SOX6: variants seen among roughly 807,000 people sequenced by gnomAD.
The protein encoded by SOX6 is transcription factor SOX-6.
SOX6 carries 11 observed loss-of-function variants against 97.8 expected under a neutral mutation model. The ratio of observed to expected loss-of-function variants is 0.11; its 90% CI spans 0.07 to 0.19. The LOEUF (loss-of-function observed/expected upper bound fraction) is 0.19. SOX6 is among the 10% of genes least tolerant of loss of function. The probability of loss-of-function intolerance (pLI) is 1.00; values close to 1 mark genes in which losing one functional copy is unlikely to be tolerated. For missense variants in SOX6, 810 were observed against 1,039.5 expected (o/e 0.78, Z 3.04); for synonymous variants, 360 against 371.4 (o/e 0.97, Z 0.35).
At chr11:16,678,971 G>C (rs1044565171) in intron 3 of SOX6, among the ~76,000 whole-genome samples, 1 of 152,220 alleles carries the variant, frequency 6.6e-6, no homozygotes, top group African/African-American at 2.4e-5. Context: ...GCTCGAACTG[G>C]GTGGAGGCCA....
At chr11:16,623,755 G>T (rs947689567) in intron 3 of SOX6, among the ~76,000 whole-genome samples, 13 of 152,124 alleles carry the variant, frequency 8.5e-5, no homozygotes, top group Non-Finnish European at 1.5e-4. Context: ...GAGAGATGAG[G>T]ATCCAAATTC....
At chr11:16,662,340 T>C (rs903334023) in intron 3 of SOX6, among the ~76,000 whole-genome samples, 2 of 152,212 alleles carry the variant, frequency 1.3e-5, no homozygotes, top group African/African-American at 4.8e-5. Flanking sequence ...TTCTCTCCAC[T>C]GTCTGCTTGT....
chr11:16,109,070 G>C (rs1849164480), intron 7 of SOX6, among the ~76,000 whole-genome samples: 1 of 151,984 alleles, frequency 6.6e-6, no homozygotes, highest in East Asian at 1.9e-4. Flanking sequence ...TAAAGACCAA[G>C]GTAGCACTTG....
chr11:16,169,900 C>T (rs1179281118), intron 6 of SOX6, among the ~76,000 whole-genome samples: 2 of 143,376 alleles, frequency 1.4e-5, no homozygotes, highest in East Asian at 2.1e-4. Context: ...AAAATACACC[C>T]TTGTAATTTT....
rs1491437605 is a variant in SOX6, at chr11:16,132,492, GAA to G, written c.778-20571_778-20570del. ...AGAAAGAAAGAAAGAAAGAAAGAAA[GAA>G]AGAAAGAAAGAAAGCTTATCTTTGT... On this transcript the variant is annotated intron_variant, in intron 6 of 15. Coordinates refer to ENST00000683767, the MANE Select transcript of SOX6 (RefSeq NM_001367873.1). Among the ~76,000 whole-genome samples the G allele has an allele frequency of 1.4e-5, 2 of 148,004 alleles. 1 individual carries two copies. Among genetic ancestry groups the G allele is most frequent in the Non-Finnish European group, 3.0e-5 (2 of 66,736 alleles).
intron 3 of SOX6, among the ~76,000 whole-genome samples, chr11:16,257,752 T>A (rs1590069556): frequency 1.3e-5 from 2 of 151,874 alleles, no homozygotes; most frequent in East Asian, 3.9e-4. Context: ...AAGACACTGT[T>A]AAGATAATGA....
At chr11:16,049,251 G>A (rs1299799524) in intron 11 of SOX6, among the ~76,000 whole-genome samples, 2 of 152,152 alleles carry the variant, frequency 1.3e-5, no homozygotes, top group Non-Finnish European at 2.9e-5. Flanking sequence ...ATATGGGGGA[G>A]TATAAGGAGC....
intron 6 of SOX6, among the ~76,000 whole-genome samples, chr11:16,149,307 A>G (rs1659847890): frequency 1.3e-5 from 2 of 152,102 alleles, no homozygotes; most frequent in South Asian, 2.1e-4. Flanking sequence ...TTGACGGCCT[A>G]CTGTAGGCTC....
At chr11:16,022,698 C>A (rs1855104357) in intron 12 of SOX6, among the ~76,000 whole-genome samples, 1 of 152,172 alleles carries the variant, frequency 6.6e-6, no homozygotes, top group Non-Finnish European at 1.5e-5. Context: ...CAGGCATGAG[C>A]CACTGCGCCC....
In SOX6 at chr11:15,966,679, A is replaced by T. The variant is rs1178170046; in HGVS notation, c.*6130T>A. 1 of 152,222 alleles carries T rather than the reference A, an allele frequency of 6.6e-6. No homozygotes were observed. Among genetic ancestry groups the T allele is most frequent in the Non-Finnish European group, 1.5e-5 (1 of 68,032 alleles). 9.4% of individuals were successfully genotyped at this position (152,222 alleles called of 1,614,324 possible). On this transcript the variant is annotated 3_prime_UTR_variant, in exon 16 of 16. Transcript: ENST00000683767. The stretch of plus-strand genomic sequence containing the variant: ...AAGCACCTTGTGCAAAAAGGAAAAA[A>T]AAAAAGTAGCTAAGGTGCCAACATA...
At chr11:15,974,204 C>T (rs564298179) in intron 15 of SOX6, among the ~76,000 whole-genome samples, 4 of 152,144 alleles carry the variant, frequency 2.6e-5, no homozygotes, top group Admixed American at 1.3e-4. Context: ...GGTCCTTCCA[C>T]TTTTTGTACT....
At chr11:16,580,759 A>C (rs1475707915) in intron 4 of SOX6, among the ~76,000 whole-genome samples, 1 of 152,200 alleles carries the variant, frequency 6.6e-6, no homozygotes, top group Non-Finnish European at 1.5e-5. Flanking sequence ...TACAAGAATA[A>C]AACAACCCCA....
chr11:16,231,383 A>G (rs545589016), intron 4 of SOX6, among the ~76,000 whole-genome samples: 14 of 151,808 alleles, frequency 9.2e-5, no homozygotes, highest in Non-Finnish European at 1.9e-4. Context: ...TAATGTAGAT[A>G]TAACACCTCA....
At chr11:16,397,827 G>A (rs1357562985) in intron 1 of SOX6, among the ~76,000 whole-genome samples, 1 of 151,562 alleles carries the variant, frequency 6.6e-6, no homozygotes, top group Non-Finnish European at 1.5e-5. Flanking sequence ...TACATGAAGA[G>A]AAAAACCTAA....
intron 4 of SOX6, among the ~76,000 whole-genome samples, chr11:16,515,992 G>T (rs1332638815): frequency 6.6e-6 from 1 of 151,890 alleles, no homozygotes; most frequent in Non-Finnish European, 1.5e-5. Context: ...GATGCCTCCA[G>T]CTTTGTTCTT....
At chr11:16,455,174 A>G (rs1027694405) in intron 1 of SOX6, among the ~76,000 whole-genome samples, 16 of 152,190 alleles carry the variant, frequency 1.1e-4, no homozygotes, top group East Asian at 7.7e-4. Flanking sequence ...AGCTTTATAA[A>G]GAGCCAAAAC....
Position 16,458,147 on chromosome 11 carries a change from C to T in SOX6, c.-5+18168G>A, listed in dbSNP as rs181128342. Among the ~76,000 whole-genome samples, 624 of 151,706 alleles carry T rather than the reference C, an allele frequency of 4.1e-3. 3 individuals are homozygous for T. The highest frequency in any genetic ancestry group is 5.5e-3 in the Admixed American group (84 of 15,226). ...CTCAAATGTTCTTAGATTTCCAAAC[C>T]ACCTCTCTTTCCTTCCCAATCAAAA... On this transcript the variant is annotated intron_variant, in intron 1 of 15. Coordinates refer to the SOX6 transcript ENST00000396356.
At chr11:16,021,968 A>T (rs886229110) in intron 12 of SOX6, among the ~76,000 whole-genome samples, 1 of 152,144 alleles carries the variant, frequency 6.6e-6, no homozygotes, top group Non-Finnish European at 1.5e-5. Context: ...ATATGGGTTA[A>T]GTCATTTAAT....
chr11:16,573,293 T>C (rs1380116261), intron 4 of SOX6, among the ~76,000 whole-genome samples: 1 of 152,216 alleles, frequency 6.6e-6, no homozygotes, highest in Non-Finnish European at 1.5e-5. Context: ...TGTGCCAATC[T>C]CTATTTTCAC....
Sources: gnomAD v4.1 joint callset for allele counts (sites outside exome capture counted in the v4.1 genomes callset) on GRCh38, gnomAD v4.1.1 for gene constraint, MANE v1.5 for transcripts, NCBI Gene and HGNC (gene_info 2026-07-23, HGNC 2026-07-21) for gene names.